Variants in MYPN observed in about 807,000 individuals in gnomAD.
MYPN encodes the protein myopalladin.
In MYPN, 63 loss-of-function variants were observed where a neutral mutation model predicts 129.4. That is an observed-to-expected ratio of 0.49 (90% CI 0.40 to 0.60). The LOEUF is 0.60. Ranked by LOEUF, MYPN falls within the 20% of genes least tolerant of loss-of-function variation. The probability of loss-of-function intolerance (pLI) is 0.00; values close to 1 mark genes in which losing one functional copy is unlikely to be tolerated. For synonymous variants in MYPN, 629 were observed against 600.9 expected (o/e 1.05, Z -0.68); for missense variants, 1,596 against 1,635.4 (o/e 0.98, Z 0.42).
intron 12 of MYPN, among the ~76,000 whole-genome samples, chr10:68,176,395 G>A (rs1420098194): frequency 6.6e-6 from 1 of 152,110 alleles, no homozygotes; most frequent in African/African-American, 2.4e-5. Context: ...CCCAAGATTG[G>A]AACTGATAAA....
chr10:68,206,572 C>T (rs952857284), intron 18 of MYPN, among the ~76,000 whole-genome samples, 198 bp from the exon 19 acceptor site: 1 of 152,128 alleles, frequency 6.6e-6, no homozygotes, highest in African/African-American at 2.4e-5. Flanking sequence ...GGGAGGGCAA[C>T]AGCAGGTCTC....
chr10:68,089,080 G>A (rs568292393), intron 1 of MYPN, among the ~76,000 whole-genome samples: 3 of 152,292 alleles, frequency 2.0e-5, no homozygotes, highest in South Asian at 4.1e-4. Flanking sequence ...TACCCAGGAC[G>A]GAGTGCAGTG....
Position 68,211,966 on chromosome 10 carries a change from CA to C in MYPN, c.*1512del. 2.8e-6 allele frequency: 1 copy of C among 363,140 alleles called. No individual in the cohort carries two copies. The highest frequency in any genetic ancestry group is 2.1e-5 in the South Asian group (1 of 48,342). 22.5% of individuals were successfully genotyped at this position (363,140 alleles called of 1,614,324 possible). A position where few individuals can be genotyped will look rare whatever the true frequency, so the allele number is the denominator to read the frequency against. On this transcript the variant is annotated 3_prime_UTR_variant, in exon 20 of 20. Coordinates refer to ENST00000358913, the MANE Select transcript of MYPN (RefSeq NM_032578.4). ...GCTTAGAAAGGCTTGAAACTGTCTT[CA>C]CTTCAAGGCAAGGATTTCCAGCATA... is the stretch of plus-strand genomic sequence containing the variant.
In MYPN at chr10:68,125,374, T is replaced by C. The variant is rs530344868; in HGVS notation, c.902+3034T>C. ...AGGAAATTAGTAGGTATATGCTAAA[T>C]ATTTTCTGAATGAGTTAGTACTTAA... On this transcript the variant is annotated intron_variant, in intron 2 of 19. Transcript: ENST00000358913. 2.6e-5 allele frequency among the ~76,000 whole-genome samples: 4 copies of C among 152,342 alleles called. No individual in the cohort carries two copies. The East Asian group carries it at 7.7e-4, about 29-fold the overall frequency.
chr10:68,134,201 C>T (rs930953713), intron 2 of MYPN, among the ~76,000 whole-genome samples: 15 of 152,156 alleles, frequency 9.9e-5, no homozygotes, highest in South Asian at 2.1e-4. Flanking sequence ...CTACTAGTCT[C>T]ACTACTATCA....
At chr10:68,185,332 ACT>A (rs1174829422) in intron 12 of MYPN, among the ~76,000 whole-genome samples, 2 of 151,884 alleles carry the variant, frequency 1.3e-5, no homozygotes, top group Admixed American at 1.3e-4. Context: ...TGAACAGAAA[ACT>A]CTGAAAAGCA....
At chr10:68,157,156 T>C (rs12774706) in intron 6 of MYPN, among the ~76,000 whole-genome samples, 3 of 151,804 alleles carry the variant, frequency 2.0e-5, no homozygotes, top group African/African-American at 7.2e-5. Flanking sequence ...ATTGTGGGAG[T>C]GTGGAAAAGC....
chr10:68,093,242 C>A (rs1024176438), intron 1 of MYPN, among the ~76,000 whole-genome samples: 1 of 152,042 alleles, frequency 6.6e-6, no homozygotes, highest in African/African-American at 2.4e-5. Flanking sequence ...GATTAGAAAC[C>A]AGTGCTTTTG....
intron 13 of MYPN, among the ~76,000 whole-genome samples, chr10:68,191,986 C>A (rs764165974): frequency 1.6e-4 from 24 of 152,014 alleles, no homozygotes; most frequent in African/African-American, 4.1e-4. Context: ...AATTTGGGTG[C>A]CTTTATTTCT....
At chr10:68,162,636 A>G (rs1475018517) in intron 8 of MYPN, among the ~76,000 whole-genome samples, 1 of 152,188 alleles carries the variant, frequency 6.6e-6, no homozygotes, top group Non-Finnish European at 1.5e-5. Context: ...TGTGACAGAA[A>G]GCTGGTTTGT....
At chr10:68,196,797 GCCT>G (rs1038317168) in intron 15 of MYPN, among the ~76,000 whole-genome samples, 2 of 151,506 alleles carry the variant, frequency 1.3e-5, no homozygotes, top group Non-Finnish European at 3.0e-5. Context: ...CTCTCCCTTT[GCCT>G]CCTCCTCCTC....
intron 18 of MYPN, among the ~76,000 whole-genome samples, chr10:68,204,515 A>G (rs145192845): frequency 0.012 from 1,818 of 152,266 alleles, 8 homozygotes; most frequent in Middle Eastern, 0.048. Context: ...TTTGGTCAGG[A>G]GTTGGAGACC....
At chr10:68,104,782 C>A (rs912708724), upstream of MYPN, among the ~76,000 whole-genome samples, 1 of 151,420 alleles carries the variant, frequency 6.6e-6, no homozygotes, top group Non-Finnish European at 1.5e-5. Flanking sequence ...TCTATTATTT[C>A]TTTCTTTATT....
At chr10:68,171,963 G>T (rs960773) in intron 10 of MYPN, among the ~76,000 whole-genome samples, 62,099 of 152,112 alleles carry the variant, frequency 0.41, 14,219 homozygotes, top group Non-Finnish European at 0.52. Context: ...ATCTCAAGTT[G>T]GTTGTCTGGC....
At chr10:68,198,629 TC>T in intron 16 of MYPN, among the ~76,000 whole-genome samples, 1 of 152,310 alleles carries the variant, frequency 6.6e-6, no homozygotes. Flanking sequence ...CTGGGTCCCA[TC>T]CGCAGAGATT....
At chr10:68,099,100 T>C (rs1197661630) in intron 1 of MYPN, among the ~76,000 whole-genome samples, 1 of 152,216 alleles carries the variant, frequency 6.6e-6, no homozygotes, top group Non-Finnish European at 1.5e-5. Context: ...TTTGTTGCCT[T>C]GTATACCCAG....
chr10:68,162,302 A>G (rs1172246650), intron 8 of MYPN: 1 of 152,148 alleles, frequency 6.6e-6, no homozygotes, highest in Non-Finnish European at 1.5e-5. Context: ...GTTATTGAGA[A>G]GTGTTTCTTA....
At chr10:68,133,167 A>G (rs1325077936) in intron 2 of MYPN, among the ~76,000 whole-genome samples, 1 of 151,832 alleles carries the variant, frequency 6.6e-6, no homozygotes, top group Non-Finnish European at 1.5e-5. Flanking sequence ...CTGGGATTAC[A>G]GGTGCCTGCC....
At chr10:68,199,292 A>G (rs1340329309) in intron 16 of MYPN, 76 bp from the exon 17 acceptor site, 1 of 1,426,760 alleles carries the variant, frequency 7.0e-7, no homozygotes, top group Admixed American at 1.8e-5. Context: ...GGTGCCAAGC[A>G]AGGATAAAGA....
Sources: gnomAD v4.1 joint callset for allele counts (sites outside exome capture counted in the v4.1 genomes callset) on GRCh38, gnomAD v4.1.1 for gene constraint, MANE v1.5 for transcripts, NCBI Gene and HGNC (gene_info 2026-07-23, HGNC 2026-07-21) for gene names.